The following FHIP1A variants were observed in gnomAD, a reference collection of about 807,000 sequenced individuals.
FHIP1A encodes the protein FHF complex subunit HOOK-interacting protein 1A.
Under a neutral mutation model 88.6 loss-of-function variants are expected in FHIP1A, and 61 were observed. The ratio of observed to expected loss-of-function variants is 0.69; its 90% CI spans 0.56 to 0.85. FHIP1A has a LOEUF of 0.85. FHIP1A is among the 40% of genes least tolerant of loss of function. The pLI, the probability that FHIP1A is intolerant of heterozygous loss-of-function variation, is 0.00. For missense variants in FHIP1A, 1,154 were observed against 1,273.5 expected (o/e 0.91, Z 1.43); for synonymous variants, 478 against 496.0 (o/e 0.96, Z 0.48).
intron 3 of FHIP1A, among the ~76,000 whole-genome samples, chr4:151,541,512 A>G (rs1402759951): frequency 6.6e-6 from 1 of 152,180 alleles, no homozygotes; most frequent in Admixed American, 6.5e-5. Context: ...CTGCATGCCA[A>G]GTACTGCTGG....
intron 1 of FHIP1A, among the ~76,000 whole-genome samples, chr4:151,409,937 CTT>C (rs1355748075): frequency 6.6e-6 from 1 of 152,154 alleles, no homozygotes; most frequent in East Asian, 1.9e-4. Context: ...GGTGTAAGGA[CTT>C]ACTGGTTAGG....
intron 3 of FHIP1A, among the ~76,000 whole-genome samples, chr4:151,559,933 C>T (rs753451119): frequency 3.3e-5 from 5 of 152,116 alleles, no homozygotes; most frequent in Admixed American, 1.3e-4. Flanking sequence ...TTCAGTAATA[C>T]CATGAGAATG....
intron 2 of FHIP1A, among the ~76,000 whole-genome samples, chr4:151,460,947 TTGAC>T (rs1191474850): frequency 4.6e-5 from 7 of 152,226 alleles, no homozygotes; most frequent in African/African-American, 1.7e-4. Context: ...TGAAGTTTAT[TTGAC>T]TGGTATAAAT....
intron 3 of FHIP1A, among the ~76,000 whole-genome samples, chr4:151,548,221 C>T (rs72728173): frequency 0.28 from 42,617 of 151,752 alleles, 6,298 homozygotes; most frequent in Non-Finnish European, 0.34. Flanking sequence ...GAATTCAAAC[C>T]CCTGGTCTAG....
At chr4:151,470,143 G>A (rs1729458969) in intron 2 of FHIP1A, among the ~76,000 whole-genome samples, 1 of 152,196 alleles carries the variant, frequency 6.6e-6, no homozygotes, top group African/African-American at 2.4e-5. Context: ...AGAGTAGTAT[G>A]GTAATTCCAT....
At chr4:151,515,988 G>A (rs892447699) in intron 3 of FHIP1A, among the ~76,000 whole-genome samples, 76 of 152,242 alleles carry the variant, frequency 5.0e-4, no homozygotes, top group Non-Finnish European at 8.5e-4. Context: ...AGCCCACATC[G>A]CCAAGTCAAT....
At position 151,412,904 on chromosome 4, in the gene FHIP1A, G is replaced by A. The variant is rs147230116; in HGVS notation, c.-356+3439G>A. Among the ~76,000 whole-genome samples the A allele has an allele frequency of 8.8e-3, 1,320 of 150,840 alleles. 21 individuals are homozygous for A. The highest frequency in any genetic ancestry group is 0.029 in the African/African-American group (1,197 of 41,004). ...CCTCCATGTTGGTCAGGCTGGTCTC[G>A]AACTCCTGACCTCAGGTGATCCACT... On this transcript the variant is annotated intron_variant, in intron 1 of 13. Coordinates refer to ENST00000435205, the MANE Select transcript of FHIP1A (RefSeq NM_001109977.3).
chr4:151,561,556 G>A (rs924581208), intron 3 of FHIP1A, among the ~76,000 whole-genome samples: 1 of 152,120 alleles, frequency 6.6e-6, no homozygotes, highest in African/African-American at 2.4e-5. Context: ...ATAATTGAGG[G>A]CACAAGGTTC....
At chr4:151,561,755 CA>C (rs994774488) in intron 3 of FHIP1A, among the ~76,000 whole-genome samples, 11 of 151,606 alleles carry the variant, frequency 7.3e-5, no homozygotes, top group Non-Finnish European at 1.5e-4. Flanking sequence ...AGGAAATAAA[CA>C]AAAAAAACCT....
chr4:151,460,742 T>G (rs1729118345), intron 2 of FHIP1A, among the ~76,000 whole-genome samples: 2 of 152,206 alleles, frequency 1.3e-5, no homozygotes, highest in African/African-American at 4.8e-5. Flanking sequence ...CAAAATCAGC[T>G]GAAGAATTTA....
At chr4:151,567,402 C>T (rs1042770350) in intron 4 of FHIP1A, among the ~76,000 whole-genome samples, 1 of 151,752 alleles carries the variant, frequency 6.6e-6, no homozygotes, top group Non-Finnish European at 1.5e-5. Context: ...GCTTCTGAGC[C>T]GTTTATACTT....
rs559330444 is a variant in FHIP1A at position 151,552,112 on chromosome 4, C to G, written c.-122-14026C>G. ...CACTGGTCATCTGAGAAATGCAAATCAAAACCACGTAAGATACCATCTCAC... is the reference window on the plus strand; with the variant it reads ...CACTGGTCATCTGAGAAATGCAAATGAAAACCACGTAAGATACCATCTCAC... On this transcript the variant is annotated intron_variant, in intron 3 of 13. Transcript: ENST00000435205. Among the ~76,000 whole-genome samples, 85 of 152,292 alleles carry G rather than the reference C, an allele frequency of 5.6e-4. No homozygotes were observed. The Middle Eastern group carries it at 0.01, about 18-fold the overall frequency.
At chr4:151,514,892 T>C (rs961487391) in intron 3 of FHIP1A, among the ~76,000 whole-genome samples, 40 of 152,138 alleles carry the variant, frequency 2.6e-4, no homozygotes, top group Non-Finnish European at 4.7e-4. Context: ...GGAACTGGTA[T>C]CATTCCTTCT....
chr4:151,490,870 A>G (rs2126646832), intron 3 of FHIP1A, among the ~76,000 whole-genome samples: 1 of 152,240 alleles, frequency 6.6e-6, no homozygotes, highest in South Asian at 2.1e-4. Context: ...AAGTTTCAGC[A>G]GTAGAATCGA....
chr4:151,670,189 TC>T lies in FHIP1A; in HGVS notation c.*7437del, dbSNP rs1737812041. ...GCATATATATACCGAACAAAGGTGC[TC>T]CGGTGCAGTGGAGAGAACAGTATTA... On this transcript the variant is annotated 3_prime_UTR_variant, in exon 14 of 14. Transcript: ENST00000435205. 1 of 152,156 alleles carries T rather than the reference TC, an allele frequency of 6.6e-6. No individual in the cohort carries two copies. Among genetic ancestry groups the T allele is most frequent in the Admixed American group, 6.5e-5 (1 of 15,276 alleles). 9.4% of individuals were successfully genotyped at this position (152,156 alleles called of 1,614,324 possible).
At chr4:151,440,044 G>A (rs2082673433) in intron 1 of FHIP1A, among the ~76,000 whole-genome samples, 2 of 152,162 alleles carry the variant, frequency 1.3e-5, no homozygotes, top group Non-Finnish European at 2.9e-5. Context: ...AGTTCTGCAT[G>A]GCTGGGGAGG....
At chr4:151,438,622 T>A (rs1306813240) in intron 1 of FHIP1A, among the ~76,000 whole-genome samples, 1 of 149,632 alleles carries the variant, frequency 6.7e-6, no homozygotes, top group Admixed American at 6.7e-5. Context: ...TTTTTTTTTT[T>A]AAAGGCAAAA....
intron 5 of FHIP1A, among the ~76,000 whole-genome samples, chr4:151,582,712 G>T (rs572848840): frequency 6.6e-6 from 1 of 152,132 alleles, no homozygotes; most frequent in Non-Finnish European, 1.5e-5. Context: ...TGAAAAATGG[G>T]TTAATGCTTA....
chr4:151,522,896 C>T (rs1731496661), intron 3 of FHIP1A, among the ~76,000 whole-genome samples: 1 of 152,186 alleles, frequency 6.6e-6, no homozygotes, highest in East Asian at 1.9e-4. Flanking sequence ...TGATCTTTAA[C>T]ATCACCGTCA....
Sources: gnomAD v4.1 joint callset for allele counts (sites outside exome capture counted in the v4.1 genomes callset) on GRCh38, gnomAD v4.1.1 for gene constraint, MANE v1.5 for transcripts, NCBI Gene and HGNC (gene_info 2026-07-23, HGNC 2026-07-21) for gene names.